SRGAP3: variants seen among roughly 807,000 people sequenced by gnomAD.
The protein encoded by SRGAP3 is SLIT-ROBO Rho GTPase-activating protein 3.
A neutral mutation model predicts 121.1 loss-of-function variants in SRGAP3; 39 were observed. That is an observed-to-expected ratio of 0.32 (90% CI 0.25 to 0.42). The LOEUF is 0.42. SRGAP3 is among the 10% of genes least tolerant of loss of function. SRGAP3 has a pLI of 1.00. For missense variants in SRGAP3, 1,213 were observed against 1,470.6 expected (o/e 0.82, Z 2.86); for synonymous variants, 601 against 570.0 (o/e 1.05, Z -0.77).
chr3:9,266,665 G>GA (rs1954374220), intron 3 of SRGAP3, among the ~76,000 whole-genome samples: 1 of 127,802 alleles, frequency 7.8e-6, no homozygotes, highest in African/African-American at 2.6e-5. Flanking sequence ...TTTGGTTTTT[G>GA]GGTTTTTTTT....
At chr3:9,024,106 C>A (rs1459065859) in intron 14 of SRGAP3, among the ~76,000 whole-genome samples, 1 of 152,136 alleles carries the variant, frequency 6.6e-6, no homozygotes, top group Non-Finnish European at 1.5e-5. Flanking sequence ...ACAGAGAGGT[C>A]TGCTCAGAGT....
chr3:9,221,337 C>A (rs1294602664), intron 1 of SRGAP3, among the ~76,000 whole-genome samples: 1 of 152,142 alleles, frequency 6.6e-6, no homozygotes, highest in Non-Finnish European at 1.5e-5. Flanking sequence ...TTGAGACCAA[C>A]CTGGGCAGCA....
chr3:8,993,758 T>G (rs540160869), intron 19 of SRGAP3, among the ~76,000 whole-genome samples: 5 of 152,102 alleles, frequency 3.3e-5, no homozygotes, highest in Non-Finnish European at 7.4e-5. Context: ...GCTGCCTCTA[T>G]GGTAAATCTG....
intron 3 of SRGAP3, among the ~76,000 whole-genome samples, chr3:9,275,280 C>G (rs1430978764): frequency 6.6e-6 from 1 of 152,110 alleles, no homozygotes; most frequent in Non-Finnish European, 1.5e-5. Flanking sequence ...CTTCCTGTCT[C>G]TCTATCTCAG....
chr3:9,017,671 T>C (rs892201458), intron 14 of SRGAP3, among the ~76,000 whole-genome samples: 1 of 152,208 alleles, frequency 6.6e-6, no homozygotes, highest in African/African-American at 2.4e-5. Flanking sequence ...AACGTTATGA[T>C]GATGATTGCC....
intron 5 of SRGAP3, 69 bp from the exon 6 acceptor site, chr3:9,060,428 C>CATT: frequency 6.0e-6 from 7 of 1,175,380 alleles, no homozygotes; most frequent in Non-Finnish European, 6.7e-6. Context: ...TTTTCTATTC[C>CATT]TTTTTTTTTT....
At chr3:9,259,300 A>G (rs1436213825) in intron 3 of SRGAP3, among the ~76,000 whole-genome samples, 3 of 151,444 alleles carry the variant, frequency 2.0e-5, no homozygotes, top group Middle Eastern at 3.4e-3. Context: ...TTTTTTAGAG[A>G]GAGGGTCATG....
chr3:9,302,722 G>T (rs1488509065), intron 3 of SRGAP3, among the ~76,000 whole-genome samples: 2 of 152,202 alleles, frequency 1.3e-5, no homozygotes, highest in Admixed American at 6.5e-5. Flanking sequence ...CTGCCGCGGG[G>T]TGGGTCTTGG....
chr3:9,248,924 C>T lies in SRGAP3; in HGVS notation c.28G>A (p.Asp10Asn). 1 of 1,614,202 alleles carries T rather than the reference C, an allele frequency of 6.2e-7. No homozygotes were observed. Among genetic ancestry groups the T allele is most frequent in the Non-Finnish European group, 8.5e-7 (1 of 1,180,032 alleles). The change falls in exon 1 of 22, where the codon GAC becomes AAC. Residue 10 changes from aspartate (D) to asparagine (N), a missense_variant. Transcript: ENST00000383836. MSSQTKFKKDKEIIAEYEAQ... is the reference protein window; with the variant it reads MSSQTKFKKNKEIIAEYEAQ... The stretch of plus-strand genomic sequence containing the variant: ...TCATATTCAGCAATGATCTCTTTGT[C>T]TTTCTTGAACTTAGTTTGAGATGAC...
At chr3:9,257,794 T>A (rs770296051) in intron 3 of SRGAP3, among the ~76,000 whole-genome samples, 52 of 139,014 alleles carry the variant, frequency 3.7e-4, no homozygotes, top group Non-Finnish European at 7.0e-4. Flanking sequence ...AACCTCTGCC[T>A]CCTAGGTTCA....
At chr3:8,987,216 G>T (rs1368241890) in intron 21 of SRGAP3, among the ~76,000 whole-genome samples, 1 of 152,176 alleles carries the variant, frequency 6.6e-6, no homozygotes, top group Admixed American at 6.5e-5. Context: ...GAGCCCCATG[G>T]GTTCCCATGA....
At position 8,984,853 on chromosome 3, in the gene SRGAP3, G is replaced by A. The variant is rs1236136167; in HGVS notation, c.*666C>T. 1 of 229,770 alleles carries A rather than the reference G, an allele frequency of 4.4e-6. No homozygotes were observed. The highest frequency in any genetic ancestry group is 2.2e-5 in the African/African-American group (1 of 45,100). The allele number at this position is 229,770 out of a possible 1,614,324, so 14.2% of individuals were successfully genotyped here. ...TGGAAGGCCACGACTTCTGGAGACA[G>A]TGGGAGTCTGTTTTTGTTTGTGTTT... On this transcript the variant is annotated 3_prime_UTR_variant, in exon 22 of 22. Transcript: ENST00000383836.
chr3:9,339,740 CT>C (rs982783388), intron 1 of SRGAP3, among the ~76,000 whole-genome samples: 1 of 152,184 alleles, frequency 6.6e-6, no homozygotes, highest in Admixed American at 6.5e-5. Context: ...AACCTAGGGG[CT>C]GCCAGTTTGC....
At chr3:9,349,441 T>C (rs2029940046) in intron 1 of SRGAP3, among the ~76,000 whole-genome samples, 1 of 152,234 alleles carries the variant, frequency 6.6e-6, no homozygotes, top group Admixed American at 6.5e-5. Context: ...AAAGCTCCTC[T>C]TGTCCAACAG....
At chr3:9,036,355 G>T (rs1219705076) in intron 11 of SRGAP3, 1 of 151,894 alleles carries the variant, frequency 6.6e-6, no homozygotes, top group Non-Finnish European at 1.5e-5. Context: ...TGGAGGTAAG[G>T]GGAGACTTTT....
At chr3:9,016,016 A>G in intron 14 of SRGAP3, 1 of 453,754 alleles carries the variant, frequency 2.2e-6, no homozygotes, top group Non-Finnish European at 4.0e-6. Flanking sequence ...CTCTTTCTGT[A>G]TTTATATTTA....
intron 2 of SRGAP3, among the ~76,000 whole-genome samples, chr3:9,108,976 G>C (rs1169390872): frequency 6.6e-6 from 1 of 152,192 alleles, no homozygotes; most frequent in Non-Finnish European, 1.5e-5. Flanking sequence ...TCAGATCTTA[G>C]GCGACTGGGT....
At chr3:9,323,422 G>A (rs1029235535) in intron 3 of SRGAP3, among the ~76,000 whole-genome samples, 1 of 151,910 alleles carries the variant, frequency 6.6e-6, no homozygotes, top group Non-Finnish European at 1.5e-5. Context: ...TCAGAGCCTT[G>A]AATATACCAT....
chr3:9,216,703 A>G (rs1208147346), intron 1 of SRGAP3: 2 of 152,630 alleles, frequency 1.3e-5, no homozygotes, highest in South Asian at 2.1e-4. Flanking sequence ...CACTTTCCCG[A>G]GCCATGGCTA....
Sources: gnomAD v4.1 joint callset for allele counts (sites outside exome capture counted in the v4.1 genomes callset) on GRCh38, gnomAD v4.1.1 for gene constraint, MANE v1.5 for transcripts, NCBI Gene and HGNC (gene_info 2026-07-23, HGNC 2026-07-21) for gene names.